The following DDAH1 variants were observed in gnomAD, a reference collection of about 807,000 sequenced individuals.
DDAH1 encodes dimethylarginine dimethylaminohydrolase 1, also known as N(G),N(G)-dimethylarginine dimethylaminohydrolase 1.
Under a neutral mutation model 28.8 loss-of-function variants are expected in DDAH1, and 19 were observed. That is an observed-to-expected ratio of 0.66 (90% CI 0.46 to 0.97). The LOEUF (loss-of-function observed/expected upper bound fraction) is 0.97. Ranked by LOEUF, DDAH1 falls within the 50% of genes least tolerant of loss-of-function variation. DDAH1 has a pLI of 0.00. For missense variants in DDAH1, 326 were observed against 375.9 expected, an observed-to-expected ratio of 0.87 and a Z score of 1.10; for synonymous variants, 153 against 154.4, an observed-to-expected ratio of 0.99 and a Z score of 0.07.
At chr1:85,447,031 A>C (rs1045824068) in intron 1 of DDAH1, among the ~76,000 whole-genome samples, 37 of 152,204 alleles carry the variant, frequency 2.4e-4, no homozygotes, top group Non-Finnish European at 4.6e-4. Context: ...AAAAGATCAG[A>C]ATGTGGCTTC....
intron 2 of DDAH1, among the ~76,000 whole-genome samples, chr1:85,479,548 C>G (rs528355109): frequency 6.6e-6 from 1 of 152,356 alleles, no homozygotes; most frequent in East Asian, 1.9e-4. Context: ...ACTAATATTA[C>G]CACAATCGGG....
chr1:85,396,222 G>A (rs1221152441), intron 1 of DDAH1, among the ~76,000 whole-genome samples: 1 of 152,076 alleles, frequency 6.6e-6, no homozygotes, highest in Non-Finnish European at 1.5e-5. Flanking sequence ...AGTCCCTTTA[G>A]AGCTGCTATA....
rs148531341 is a variant in DDAH1, at chr1:85,503,904, T to C, written c.-122-7623A>G. Among the ~76,000 whole-genome samples the C allele has an allele frequency of 3.6e-3, 548 of 152,210 alleles. 1 individual carries two copies. The highest frequency in any genetic ancestry group is 0.013 in the African/African-American group (526 of 41,520). ...GGAGAACTTCAGTATTGCTGCAATG[T>C]AACGATCCAGGAGGTGAATCACAGG... On this transcript the variant is annotated intron_variant, in intron 1 of 6. Coordinates refer to the DDAH1 transcript ENST00000426972.
At chr1:85,488,324 C>G (rs1320160890) in intron 2 of DDAH1, 2 of 152,216 alleles carry the variant, frequency 1.3e-5, no homozygotes, top group Non-Finnish European at 2.9e-5. Context: ...GATCAGGGCA[C>G]CAGCATGGTC....
At chr1:85,430,114 T>C (rs1230106433) in intron 1 of DDAH1, among the ~76,000 whole-genome samples, 3 of 152,222 alleles carry the variant, frequency 2.0e-5, no homozygotes, top group Non-Finnish European at 2.9e-5. Flanking sequence ...GTTTTCTGCA[T>C]ATGGCTAGCC....
chr1:85,427,154 A>T (rs964811468), intron 1 of DDAH1, among the ~76,000 whole-genome samples: 1 of 152,034 alleles, frequency 6.6e-6, no homozygotes, highest in African/African-American at 2.4e-5. Context: ...GTGCCTTCAC[A>T]TATAAAAGAG....
intron 1 of DDAH1, among the ~76,000 whole-genome samples, chr1:85,382,611 A>G (rs1367369965): frequency 6.6e-6 from 1 of 152,238 alleles, no homozygotes; most frequent in Non-Finnish European, 1.5e-5. Flanking sequence ...TTCAAATTAA[A>G]TCCAGTAGCC....
chr1:85,544,931 T>C (rs1448011369), intron 1 of DDAH1, among the ~76,000 whole-genome samples: 1 of 152,196 alleles, frequency 6.6e-6, no homozygotes, highest in African/African-American at 2.4e-5. Flanking sequence ...ACAGTGGGGT[T>C]CATTTTCTAA....
chr1:85,428,525 G>A (rs1653518938), intron 1 of DDAH1, among the ~76,000 whole-genome samples: 1 of 152,162 alleles, frequency 6.6e-6, no homozygotes, highest in African/African-American at 2.4e-5. Flanking sequence ...AATTATGGGA[G>A]CTACAAATTC....
intron 4 of DDAH1, among the ~76,000 whole-genome samples, chr1:85,342,387 AGTGTGT>A (rs58992773): frequency 8.8e-5 from 13 of 147,972 alleles, no homozygotes; most frequent in South Asian, 2.2e-4. Flanking sequence ...TTTTTCTATG[AGTGTGT>A]GTGTGTGTGT....
rs186253574 is a variant in DDAH1 at position 85,491,772 on chromosome 1, T to C, written c.-7+4394A>G. On this transcript the variant is annotated intron_variant, in intron 2 of 6. Transcript: ENST00000426972. ...TATTGGTTATCTGGTTGGTTTGATG[T>C]CAGTGTTTTTTCTGTATCTTTTGCT... Among the ~76,000 whole-genome samples the C allele has an allele frequency of 3.2e-3, 490 of 152,290 alleles. 2 individuals carry two copies. Among genetic ancestry groups the C allele is most frequent in the African/African-American group, 0.011 (459 of 41,568 alleles).
At chr1:85,437,980 T>C (rs1381232814) in intron 1 of DDAH1, among the ~76,000 whole-genome samples, 1 of 152,216 alleles carries the variant, frequency 6.6e-6, no homozygotes, top group East Asian at 1.9e-4. Context: ...ATATACACTA[T>C]GTACTACTAT....
At chr1:85,400,210 A>ATTTTTCT (rs1557582437) in intron 1 of DDAH1, among the ~76,000 whole-genome samples, 1 of 9,714 alleles carries the variant, frequency 1.0e-4, no homozygotes, top group African/African-American at 2.6e-4. Flanking sequence ...TTTTTTTTTG[A>ATTTTTCT]GACGGAGTCT....
At position 85,329,898 on chromosome 1, in the gene DDAH1, G is replaced by A. The variant is rs150589194; in HGVS notation, c.598-5015C>T. On this transcript the variant is annotated intron_variant, in intron 4 of 5. Transcript: ENST00000284031. ...CTAAATAAAAGGGATGTATGAAGTGGTAACTGTAGATAACAAACAAGAAAT... is the reference window on the plus strand; with the variant it reads ...CTAAATAAAAGGGATGTATGAAGTGATAACTGTAGATAACAAACAAGAAAT... Among the ~76,000 whole-genome samples, 735 of 152,288 alleles carry A rather than the reference G, an allele frequency of 4.8e-3. 2 individuals are homozygous for A. Among genetic ancestry groups the A allele is most frequent in the African/African-American group, 0.017 (705 of 41,548 alleles).
intron 1 of DDAH1, among the ~76,000 whole-genome samples, chr1:85,390,627 G>GC (rs1651500763): frequency 6.6e-6 from 1 of 152,148 alleles, no homozygotes; most frequent in Admixed American, 6.6e-5. Context: ...ATACCACAGT[G>GC]CCAGCTTCTT....
chr1:85,406,099 TA>T (rs1325528981), intron 1 of DDAH1, among the ~76,000 whole-genome samples: 2 of 152,218 alleles, frequency 1.3e-5, no homozygotes, highest in African/African-American at 2.4e-5. Flanking sequence ...GTTTACTTTA[TA>T]AATGTGAAAG....
chr1:85,456,024 C>A (rs1301499884), intron 1 of DDAH1, among the ~76,000 whole-genome samples: 1 of 152,104 alleles, frequency 6.6e-6, no homozygotes, highest in Non-Finnish European at 1.5e-5. Flanking sequence ...AGCTCCCCAT[C>A]CACTTTCTCC....
chr1:85,366,113 A>G (rs1053199684), intron 1 of DDAH1, among the ~76,000 whole-genome samples: 1 of 151,556 alleles, frequency 6.6e-6, no homozygotes, highest in African/African-American at 2.4e-5. Context: ...AAAAAAAAAC[A>G]AAACAACCAA....
intron 1 of DDAH1, among the ~76,000 whole-genome samples, chr1:85,557,962 C>T (rs1236240113): frequency 2.6e-5 from 4 of 152,132 alleles, no homozygotes; most frequent in African/African-American, 9.7e-5. Flanking sequence ...GTTTAAGCCA[C>T]CCAATCTGTG....
Sources: gnomAD v4.1 joint callset for allele counts (sites outside exome capture counted in the v4.1 genomes callset) on GRCh38, gnomAD v4.1.1 for gene constraint, MANE v1.5 for transcripts, NCBI Gene and HGNC (gene_info 2026-07-23, HGNC 2026-07-21) for gene names.